Variants in ZNF695 observed in about 807,000 individuals in gnomAD.
The protein encoded by ZNF695 is zinc finger protein SBZF3.
A neutral mutation model predicts 11.2 loss-of-function variants in ZNF695; 11 were observed. The ratio of observed to expected loss-of-function variants is 0.98; its 90% CI spans 0.62 to 1.62. The LOEUF (loss-of-function observed/expected upper bound fraction) is 1.62, where lower values mean the gene tolerates loss of function less well. ZNF695 is among the 40% of genes most tolerant of loss of function. The pLI, the probability that ZNF695 is intolerant of heterozygous loss-of-function variation, is 0.00. For synonymous variants in ZNF695, 190 were observed against 201.4 expected, an observed-to-expected ratio of 0.94 and a Z score of 0.48; for missense variants, 559 against 590.5, an observed-to-expected ratio of 0.95 and a Z score of 0.55.
chr1:246,987,305 CA>C lies in ZNF695; in HGVS notation c.1209del (p.Gln405ArgfsTer123), dbSNP rs755998856. 6.2e-7 allele frequency: 1 copy of C among 1,612,786 alleles called. No individual in the cohort carries two copies. The highest frequency in any genetic ancestry group is 8.5e-7 in the Non-Finnish European group (1 of 1,179,744). ...TCCTCACATTTGTAGGGTTTCTGCCCAGTATGAATTCTCTTATGCTGAATAA... is the reference window on the plus strand; with the variant it reads ...TCCTCACATTTGTAGGGTTTCTGCCCGTATGAATTCTCTTATGCTGAATAA... ...SYLIQHKRIHTGQKPYKCEEC... is the reference protein window; with the variant it reads ...SYLIQHKRIHXGQKPYKCEEC... On this transcript the variant is annotated frameshift_variant, in exon 4 of 4. Coordinates refer to ENST00000339986, the MANE Select transcript of ZNF695 (RefSeq NM_020394.5). LOFTEE classifies it low-confidence loss of function (END_TRUNC).
At chr1:246,985,230 T>G, downstream of ZNF695, 1 of 906,290 alleles carries the variant, frequency 1.1e-6, no homozygotes, top group Non-Finnish European at 1.3e-6. Context: ...TAAAAGCATG[T>G]ATATGTTTTG....
At chr1:246,954,947 G>C (rs189391621) in intron 5 of ZNF695, among the ~76,000 whole-genome samples, 18 of 152,248 alleles carry the variant, frequency 1.2e-4, no homozygotes, top group Admixed American at 8.5e-4. Flanking sequence ...TGGTTTGGCT[G>C]TGTCCCCACC....
At position 246,996,992 on chromosome 1, in the gene ZNF695, T is replaced by C. The variant is rs533401533; in HGVS notation, c.259+2356A>G. ...ACAGATAAATGTACTGACAATGTGATTGTTGCATTATTCACTTTTGCACCA... is the reference window on the plus strand; with the variant it reads ...ACAGATAAATGTACTGACAATGTGACTGTTGCATTATTCACTTTTGCACCA... On this transcript the variant is annotated intron_variant, in intron 3 of 3. Coordinates refer to ENST00000339986, the MANE Select transcript of ZNF695 (RefSeq NM_020394.5). Among the ~76,000 whole-genome samples the C allele has an allele frequency of 2.6e-5, 4 of 152,328 alleles. No homozygotes were observed. The South Asian group carries it at 8.3e-4, about 32-fold the overall frequency.
chr1:246,992,121 G>A (rs1204516101), intron 3 of ZNF695, among the ~76,000 whole-genome samples: 2 of 151,802 alleles, frequency 1.3e-5, no homozygotes, highest in East Asian at 1.9e-4. Context: ...CCGAGATCGC[G>A]CCACTGCACT....
At chr1:246,949,839 CCAT>C (rs1363563925) in intron 5 of ZNF695, among the ~76,000 whole-genome samples, 1 of 152,102 alleles carries the variant, frequency 6.6e-6, no homozygotes, top group Middle Eastern at 3.2e-3. Flanking sequence ...TATAGTATAA[CCAT>C]CAATTACATA....
In ZNF695 at chr1:246,985,690, A is replaced by C; in HGVS notation, c.*1277T>G. The C allele has an allele frequency of 1.0e-6, 1 of 985,420 alleles. No individual in the cohort carries two copies. Among genetic ancestry groups the C allele is most frequent in the Non-Finnish European group, 1.2e-6 (1 of 829,900 alleles). The allele number at this position is 985,420 out of a possible 1,614,324, so 61.0% of individuals were successfully genotyped here. A position where few individuals can be genotyped will look rare whatever the true frequency, so the allele number is the denominator to read the frequency against. ...ACTGAATTTTATTACCTTAATGTGC[A>C]ATAGGAAAAACAACTGACTTGTAAA... On this transcript the variant is annotated 3_prime_UTR_variant, in exon 4 of 4. Transcript: ENST00000339986.
rs759467605 is a variant in ZNF695, at chr1:247,007,901, C to G, written c.3+5G>C. On this transcript the variant is annotated splice_donor_5th_base_variant and intron_variant, in intron 1 of 3. Transcript: ENST00000339986. The stretch of plus-strand genomic sequence containing the variant: ...TTCTCGGGACACCCTGCTCCGCACA[C>G]TCACCATTTCCCAGCTTTTGGGGGT... The G allele has an allele frequency of 7.1e-6, 11 of 1,541,688 alleles. No individual in the cohort carries two copies. Among genetic ancestry groups the G allele is most frequent in the Admixed American group, 1.8e-5 (1 of 54,686 alleles).
In ZNF695 at chr1:246,985,661, A is replaced by C; in HGVS notation, c.*1306T>G. The C allele has an allele frequency of 1.0e-6, 1 of 985,426 alleles. No homozygotes were observed. 61.0% of individuals were successfully genotyped at this position (985,426 alleles called of 1,614,324 possible). ...AACAGTCTAAAAAGAGCATTTCAAA[A>C]TCCACTGAATTTTATTACCTTAATG... is the stretch of plus-strand genomic sequence containing the variant. On this transcript the variant is annotated 3_prime_UTR_variant, in exon 4 of 4. Transcript: ENST00000339986.
intron 1 of ZNF695, among the ~76,000 whole-genome samples, chr1:247,004,086 T>A (rs893686596): frequency 3.9e-5 from 6 of 152,022 alleles, no homozygotes; most frequent in Non-Finnish European, 7.4e-5. Flanking sequence ...GTGGCAGGCA[T>A]CTGTAATCCC....
In ZNF695 at chr1:246,957,381, TA is replaced by T. The variant is rs748363026; in HGVS notation, c.488+10313del. 7.2e-3 allele frequency among the ~76,000 whole-genome samples: 932 copies of T among 129,060 alleles called. 1 individual carries two copies. Among genetic ancestry groups the T allele is most frequent in the African/African-American group, 6.3e-3 (220 of 34,864 alleles). The allele number at this position is 129,060 out of a possible 152,430, so 84.7% of individuals were successfully genotyped here. On this transcript the variant is annotated intron_variant, in intron 5 of 5. Coordinates refer to the ZNF695 transcript ENST00000487338. Reference sequence around the variant, plus strand: ...CTGGGCAACACAGCGAAACTCCGTCTAAAAAAAAAAAAAAAGAATTGGGGAA... The same window carrying T: ...CTGGGCAACACAGCGAAACTCCGTCTAAAAAAAAAAAAAAGAATTGGGGAA...
chr1:246,995,331 T>A (rs556280053), intron 3 of ZNF695, among the ~76,000 whole-genome samples: 21 of 152,340 alleles, frequency 1.4e-4, no homozygotes, highest in Non-Finnish European at 2.8e-4. Context: ...ATGTTCTTCA[T>A]GGGCTAGAAG....
At chr1:246,953,146 G>A (rs941920223) in intron 5 of ZNF695, among the ~76,000 whole-genome samples, 1 of 152,080 alleles carries the variant, frequency 6.6e-6, no homozygotes, top group African/African-American at 2.4e-5. Context: ...TCAACTTCAG[G>A]CCTCCTTTGG....
At chr1:246,982,526 C>A (rs1180730464), downstream of ZNF695, among the ~76,000 whole-genome samples, 4 of 152,178 alleles carry the variant, frequency 2.6e-5, no homozygotes, top group Non-Finnish European at 5.9e-5. Flanking sequence ...AATACATAGT[C>A]CAATATTATT....
intron 4 of ZNF695, among the ~76,000 whole-genome samples, chr1:246,976,568 GCA>G (rs1668565338): frequency 6.6e-6 from 1 of 151,802 alleles, no homozygotes; most frequent in African/African-American, 2.4e-5. Flanking sequence ...GCCAAGGCGG[GCA>G]GATCACGAGG....
At chr1:246,975,967 G>A (rs997741693) in intron 4 of ZNF695, among the ~76,000 whole-genome samples, 21 of 151,638 alleles carry the variant, frequency 1.4e-4, no homozygotes, top group African/African-American at 4.6e-4. Flanking sequence ...AGGGAAGGAG[G>A]AAACGACCAT....
At position 246,987,036 on chromosome 1, in the gene ZNF695, C is replaced by A; in HGVS notation, c.1479G>T (p.Lys493Asn). ...KTIHTREKPY[K>N]CEECGKAFNH... ...TAAAGGCTTTGCCACATTCCTCACA[C>A]TTGTATGGTTTCTCTCTGGTATGAA... is the stretch of plus-strand genomic sequence containing the variant. Residue 493 changes from lysine to asparagine, a missense_variant, in exon 4 of 4, where the codon AAG becomes AAT. Lys to Asn is a moderately conservative substitution (Grantham distance 94). Transcript: ENST00000339986. 4 of 1,611,206 alleles carry A rather than the reference C, an allele frequency of 2.5e-6. No individual in the cohort carries two copies. The South Asian group carries it at 4.4e-5, about 18-fold the overall frequency.
intron 1 of ZNF695, among the ~76,000 whole-genome samples, 165 bp downstream of exon 1, chr1:247,007,741 T>C (rs1240914425): frequency 1.3e-5 from 2 of 151,704 alleles, no homozygotes; most frequent in African/African-American, 4.8e-5. Flanking sequence ...GGCCCCCACC[T>C]GCGCGGGACG....
Position 246,997,231 on chromosome 1 carries a change from G to A in ZNF695, c.259+2117C>T, listed in dbSNP as rs143055233. ...AGAAAGAAATAAAAAGTCCAGGCGC[G>A]GTGGCTCACGCCTATAATCCCAGCA... On this transcript the variant is annotated intron_variant, in intron 3 of 3. Coordinates refer to ENST00000339986, the MANE Select transcript of ZNF695 (RefSeq NM_020394.5). Among the ~76,000 whole-genome samples the A allele has an allele frequency of 1.6e-3, 240 of 152,192 alleles. 1 individual carries two copies. Among genetic ancestry groups the A allele is most frequent in the African/African-American group, 5.3e-3 (221 of 41,510 alleles).
downstream of ZNF695, among the ~76,000 whole-genome samples, chr1:246,985,024 G>A (rs542404839): frequency 6.6e-5 from 10 of 152,234 alleles, no homozygotes; most frequent in South Asian, 1.7e-3. Context: ...ATTTGCCTTC[G>A]ACATTTTTGA....
Sources: gnomAD v4.1 joint callset for allele counts (sites outside exome capture counted in the v4.1 genomes callset) on GRCh38, gnomAD v4.1.1 for gene constraint, MANE v1.5 for transcripts, NCBI Gene and HGNC (gene_info 2026-07-23, HGNC 2026-07-21) for gene names.